Variants in PTK2 observed in about 807,000 individuals in gnomAD.
The protein encoded by PTK2 is protein tyrosine kinase 2, also known as focal adhesion kinase 1.
A neutral mutation model predicts 150.1 loss-of-function variants in PTK2; 45 were observed. That is an observed-to-expected ratio of 0.30 (90% confidence interval 0.24 to 0.38). The LOEUF (loss-of-function observed/expected upper bound fraction) is 0.38, where lower values mean the gene tolerates loss of function less well. PTK2 is among the 10% of genes least tolerant of loss of function. PTK2 has a pLI of 1.00. For synonymous variants in PTK2, 432 were observed against 449.2 expected (o/e 0.96, Z 0.48); for missense variants, 919 against 1,307.3 (o/e 0.70, Z 4.58).
chr8:140,774,193 G>C (rs556517845), intron 14 of PTK2, among the ~76,000 whole-genome samples: 1 of 152,076 alleles, frequency 6.6e-6, no homozygotes, highest in Non-Finnish European at 1.5e-5. Flanking sequence ...TGGCTTTTGC[G>C]GTACAGGGAT....
At chr8:140,735,943 T>A (rs1377689591) in intron 21 of PTK2, among the ~76,000 whole-genome samples, 1 of 152,210 alleles carries the variant, frequency 6.6e-6, no homozygotes, top group African/African-American at 2.4e-5. Flanking sequence ...CTAGAGTGCA[T>A]AAAGGCACCA....
At chr8:140,741,729 T>C (rs755656606) in intron 20 of PTK2, among the ~76,000 whole-genome samples, 11 of 152,198 alleles carry the variant, frequency 7.2e-5, no homozygotes, top group Non-Finnish European at 1.5e-4. Context: ...GTTCTAGGAA[T>C]ATGAAAACAT....
intron 5 of PTK2, among the ~76,000 whole-genome samples, chr8:140,850,292 G>A (rs2100128383): frequency 6.6e-6 from 1 of 151,986 alleles, no homozygotes; most frequent in Non-Finnish European, 1.5e-5. Flanking sequence ...TGGGCATGGT[G>A]GCAGGCACCT....
intron 1 of PTK2, among the ~76,000 whole-genome samples, chr8:140,949,247 G>A (rs2100178692): frequency 6.6e-6 from 1 of 152,122 alleles, no homozygotes; most frequent in Non-Finnish European, 1.5e-5. Context: ...TTAATCAACT[G>A]TTTATATTCT....
chr8:140,667,462 CTCTCTTT>C (rs775883539), intron 30 of PTK2, among the ~76,000 whole-genome samples: 1 of 96,804 alleles, frequency 1.0e-5, no homozygotes, highest in South Asian at 3.0e-4. Flanking sequence ...CTCTCTCTCT[CTCTCTTT>C]TTTTTTTTTT....
At chr8:140,818,928 C>T (rs2100106446) in exon 9 of PTK2, 1 of 1,613,624 alleles carries the variant, frequency 6.2e-7, no homozygotes, top group African/African-American at 1.3e-5. Context: ...AGACTGGAGA[C>T]AGGATCTCAA....
intron 1 of PTK2, among the ~76,000 whole-genome samples, chr8:140,996,008 C>T (rs2100197587): frequency 6.6e-6 from 1 of 152,022 alleles, no homozygotes; most frequent in Admixed American, 6.6e-5. Context: ...CCACTTCAAC[C>T]CGTGAGGCGG....
At chr8:140,854,068 C>T (rs1373572895) in intron 5 of PTK2, among the ~76,000 whole-genome samples, 3 of 152,144 alleles carry the variant, frequency 2.0e-5, no homozygotes, top group Non-Finnish European at 4.4e-5. Flanking sequence ...TCACATGTTC[C>T]TATAGTTAAG....
In PTK2 at chr8:140,961,898, T is replaced by G. The variant is rs141973375; in HGVS notation, c.-121-36149A>C. Among the ~76,000 whole-genome samples the G allele has an allele frequency of 4.2e-3, 634 of 151,884 alleles. 3 individuals are homozygous for G. Among genetic ancestry groups the G allele is most frequent in the African/African-American group, 0.014 (593 of 41,438 alleles). ...CTTCAACCATACAACCCAACTGGAG[T>G]GGTGGTGTTTTAGGAAAACTGCCTC... On this transcript the variant is annotated intron_variant, in intron 1 of 31. Coordinates refer to ENST00000522684, the Ensembl canonical transcript of PTK2.
chr8:140,825,981 A>AT (rs1233886981), intron 8 of PTK2, among the ~76,000 whole-genome samples: 9 of 152,228 alleles, frequency 5.9e-5, no homozygotes, highest in Non-Finnish European at 1.3e-4. Flanking sequence ...CCCAGATTCC[A>AT]TTTTTGGCAT....
At chr8:140,731,263 T>A (rs868170544) in intron 22 of PTK2, among the ~76,000 whole-genome samples, 17 of 152,152 alleles carry the variant, frequency 1.1e-4, no homozygotes, top group African/African-American at 3.9e-4. Flanking sequence ...CCCGGCTAAA[T>A]GATTTTTCAC....
intron 16 of PTK2, among the ~76,000 whole-genome samples, chr8:140,756,880 T>C (rs1193660992): frequency 6.6e-6 from 1 of 151,290 alleles, no homozygotes; most frequent in Non-Finnish European, 1.5e-5. Flanking sequence ...TCCCAGCTAC[T>C]CGGGAGGCTG....
At chr8:140,806,829 AGCAAAAGATAATTTAAAACATCTGTT>A (rs1433733731) in intron 10 of PTK2, among the ~76,000 whole-genome samples, 1 of 152,252 alleles carries the variant, frequency 6.6e-6, no homozygotes, top group Non-Finnish European at 1.5e-5. Flanking sequence ...ATTTCAGGAT[AGCAAAAGATAATTTAAAACATCTGTT>A]ATAAAGAGAA....
At chr8:140,977,210 T>C (rs1403172149) in intron 1 of PTK2, among the ~76,000 whole-genome samples, 2 of 151,980 alleles carry the variant, frequency 1.3e-5, no homozygotes, top group African/African-American at 4.8e-5. Context: ...GGCAACATAG[T>C]GGGACCCTAT....
At chr8:140,734,219 A>G (rs2100051232) in intron 22 of PTK2, among the ~76,000 whole-genome samples, 1 of 152,214 alleles carries the variant, frequency 6.6e-6, no homozygotes, top group Non-Finnish European at 1.5e-5. Flanking sequence ...ACAAACCCAT[A>G]AAAACTCACA....
intron 2 of PTK2, among the ~76,000 whole-genome samples, chr8:140,914,067 T>G (rs1376580596): frequency 1.3e-5 from 2 of 152,140 alleles, no homozygotes; most frequent in East Asian, 3.8e-4. Context: ...TTATACAGTT[T>G]TTAAGAAAGG....
intron 7 of PTK2, among the ~76,000 whole-genome samples, chr8:140,834,764 C>G (rs1427336552): frequency 6.6e-6 from 1 of 152,190 alleles, no homozygotes. Context: ...TAAGGTTTTT[C>G]TGGCCAATTT....
At chr8:140,999,756 G>C (rs1224514873) in intron 1 of PTK2, among the ~76,000 whole-genome samples, 1 of 152,070 alleles carries the variant, frequency 6.6e-6, no homozygotes, top group Non-Finnish European at 1.5e-5. Flanking sequence ...AAATATTAAG[G>C]TTGAGGCTCT....
intron 5 of PTK2, among the ~76,000 whole-genome samples, chr8:140,857,589 G>C (rs556026814): frequency 6.6e-6 from 1 of 152,174 alleles, no homozygotes; most frequent in Non-Finnish European, 1.5e-5. Context: ...ATGGGGCAGA[G>C]GGACGAAATA....
Sources: allele counts gnomAD v4.1 joint callset (sites outside exome capture counted in the v4.1 genomes callset), GRCh38; gene constraint gnomAD v4.1.1; transcripts MANE v1.5; gene names NCBI Gene and HGNC (gene_info 2026-07-23, HGNC 2026-07-21).